MPHOSPH9: variants seen among roughly 807,000 people sequenced by gnomAD.
MPHOSPH9 encodes the protein M-phase phosphoprotein 9.
A neutral mutation model predicts 145.5 loss-of-function variants in MPHOSPH9; 88 were observed. That is an observed-to-expected ratio of 0.60 (90% CI 0.51 to 0.72). The LOEUF (loss-of-function observed/expected upper bound fraction) is 0.72. Among genes scored for constraint, MPHOSPH9 ranks in the 30% least tolerant of loss-of-function variants. The pLI is 0.00. For synonymous variants in MPHOSPH9, 435 were observed against 486.2 expected, an observed-to-expected ratio of 0.89 and a Z score of 1.39; for missense variants, 1,238 against 1,386.6, an observed-to-expected ratio of 0.89 and a Z score of 1.70.
intron 16 of MPHOSPH9, among the ~76,000 whole-genome samples, chr12:123,174,002 G>C (rs2044712463): frequency 6.6e-6 from 1 of 152,168 alleles, no homozygotes; most frequent in Non-Finnish European, 1.5e-5. Context: ...CAGCTTATGG[G>C]ATCTGACCCT....
intron 2 of MPHOSPH9, among the ~76,000 whole-genome samples, chr12:123,228,293 A>C (rs981839508): frequency 3.3e-5 from 5 of 152,204 alleles, no homozygotes; most frequent in Non-Finnish European, 7.4e-5. Context: ...ATTTTAATTT[A>C]TTTACTGCTT....
intron 16 of MPHOSPH9, among the ~76,000 whole-genome samples, chr12:123,170,696 G>GC (rs2044540032): frequency 6.6e-6 from 1 of 152,056 alleles, no homozygotes; most frequent in Admixed American, 6.6e-5. Context: ...CTTTCTCCCG[G>GC]CAGTGGAAAT....
chr12:123,154,610 T>TA lies in MPHOSPH9; in HGVS notation c.*2196dup, dbSNP rs2043825945. The stretch of plus-strand genomic sequence containing the variant: ...CTAAGAAGATAATTCCTTGGCAAGA[T>TA]AAAACTATCATCTCTTCTGAAATGG... On this transcript the variant is annotated 3_prime_UTR_variant, in exon 24 of 24. Coordinates refer to ENST00000606320, the MANE Select transcript of MPHOSPH9 (RefSeq NM_022782.4). The TA allele has an allele frequency of 6.6e-6, 1 of 152,208 alleles. No homozygotes were observed. Among genetic ancestry groups the TA allele is most frequent in the Admixed American group, 6.5e-5 (1 of 15,284 alleles). 9.4% of individuals were successfully genotyped at this position (152,208 alleles called of 1,614,324 possible).
chr12:123,178,286 G>A (rs959212529), intron 15 of MPHOSPH9, among the ~76,000 whole-genome samples: 1 of 152,190 alleles, frequency 6.6e-6, no homozygotes, highest in Non-Finnish European at 1.5e-5. Context: ...AGGAAGATTT[G>A]AGAAATAATA....
chr12:123,243,165 G>A (rs2047969811), intron 1 of MPHOSPH9, among the ~76,000 whole-genome samples: 1 of 151,990 alleles, frequency 6.6e-6, no homozygotes. Flanking sequence ...CACTTTCCTT[G>A]GCACACTCCA....
intron 21 of MPHOSPH9, 77 bp from the exon 22 acceptor site, chr12:123,161,460 C>T (rs948768854): frequency 6.0e-5 from 90 of 1,496,316 alleles, no homozygotes; most frequent in Middle Eastern, 3.8e-4. Flanking sequence ...AATATGTTGC[C>T]CAATTTCACT....
At chr12:123,227,649 T>C in intron 2 of MPHOSPH9, 33 bp from the exon 3 acceptor site, 1 of 1,469,932 alleles carries the variant, frequency 6.8e-7, no homozygotes, top group Non-Finnish European at 9.0e-7. Flanking sequence ...AATGGTTTTC[T>C]TCATTCTATC....
chr12:123,170,192 G>A (rs933363749), intron 16 of MPHOSPH9, among the ~76,000 whole-genome samples: 4 of 151,708 alleles, frequency 2.6e-5, no homozygotes, highest in Non-Finnish European at 5.9e-5. Context: ...ACCCAGGCTG[G>A]AGTACAGTGG....
intron 5 of MPHOSPH9, among the ~76,000 whole-genome samples, chr12:123,221,108 C>G (rs1449194575): frequency 6.6e-6 from 1 of 152,190 alleles, no homozygotes. Flanking sequence ...CAAACTTCCA[C>G]TATTGATACA....
intron 4 of MPHOSPH9, among the ~76,000 whole-genome samples, chr12:123,222,800 T>G (rs1159181622): frequency 6.6e-6 from 1 of 151,880 alleles, no homozygotes; most frequent in African/African-American, 2.4e-5. Flanking sequence ...GCTGGGCGTG[T>G]TGGCAGGTGC....
Position 123,161,211 on chromosome 12 carries a change from A to C in MPHOSPH9, c.3306T>G (p.Phe1102Leu). Residue 1102 changes from phenylalanine to leucine, a missense_variant, in exon 22 of 24, where the codon TTT (phenylalanine) becomes TTG (leucine). Physicochemically the swap from Phe to Leu is conservative, Grantham distance 22. Transcript: ENST00000606320. Reference sequence around the variant, plus strand: ...GGGTCCGAATTTTTGCTGTATATTCAAAATCATTCCCCTGTGGAGTGACTG... The same window carrying C: ...GGGTCCGAATTTTTGCTGTATATTCCAAATCATTCCCCTGTGGAGTGACTG... ...PVSVTPQGND[F>L]EYTAKIRTLA... 6.2e-7 allele frequency: 1 copy of C among 1,614,194 alleles called. No individual in the cohort carries two copies.
intron 1 of MPHOSPH9, among the ~76,000 whole-genome samples, chr12:123,242,061 G>A (rs569443502): frequency 6.6e-6 from 1 of 152,206 alleles, no homozygotes; most frequent in South Asian, 2.1e-4. Context: ...TAGGCTCTCT[G>A]AAGCCCATGC....
chr12:123,162,866 G>A lies in MPHOSPH9; in HGVS notation c.3029+148C>T, dbSNP rs148163072. 3.0e-4 allele frequency: 211 copies of A among 712,448 alleles called. 1 individual carries two copies. In the East Asian group the frequency reaches 4.7e-3, roughly 16 times the overall value. 44.1% of individuals were successfully genotyped at this position (712,448 alleles called of 1,614,324 possible). On this transcript the variant is annotated intron_variant, in intron 20 of 23. Transcript: ENST00000606320. ...TTCATTGTACTGCAGTACTTTAGTT[G>A]TAGTATGACATTCACTTATGATTTA...
At chr12:123,214,436 C>T (rs1239848623) in intron 7 of MPHOSPH9, among the ~76,000 whole-genome samples, 1 of 152,150 alleles carries the variant, frequency 6.6e-6, no homozygotes, top group African/African-American at 2.4e-5. Context: ...TCTTGGGAAG[C>T]TGAGGTGGGA....
At chr12:123,218,792 A>C (rs922318926) in intron 5 of MPHOSPH9, among the ~76,000 whole-genome samples, 1 of 152,158 alleles carries the variant, frequency 6.6e-6, no homozygotes. Flanking sequence ...CTGGGATTAC[A>C]GGCATGAGCC....
At chr12:123,152,935 T>A (rs2043803175), downstream of MPHOSPH9, 1 of 156,654 alleles carries the variant, frequency 6.4e-6, no homozygotes, top group Non-Finnish European at 1.4e-5. Context: ...AAACTTGAGA[T>A]AATCTAAAAA....
In MPHOSPH9 at chr12:123,196,615, C is replaced by T. The variant is rs551114051; in HGVS notation, c.2025+1632G>A. Among the ~76,000 whole-genome samples the T allele has an allele frequency of 1.6e-4, 25 of 151,932 alleles. No individual in the cohort carries two copies. In the East Asian group the frequency reaches 2.1e-3, roughly 13 times the overall value. ...TGTAAAAAAATAAAATTTGGTAATGCGTGGGGAAAAAAGTAATTTTAGCAT... is the reference window on the plus strand; with the variant it reads ...TGTAAAAAAATAAAATTTGGTAATGTGTGGGGAAAAAAGTAATTTTAGCAT... On this transcript the variant is annotated intron_variant, in intron 12 of 23. Coordinates refer to ENST00000606320, the MANE Select transcript of MPHOSPH9 (RefSeq NM_022782.4).
chr12:123,232,006 C>G (rs2047658835), intron 1 of MPHOSPH9, among the ~76,000 whole-genome samples: 1 of 150,490 alleles, frequency 6.6e-6, no homozygotes, highest in Admixed American at 6.7e-5. Flanking sequence ...GGGACCATTT[C>G]CTTCAGGGAC....
At chr12:123,158,003 T>G (rs1219307894) in intron 23 of MPHOSPH9, among the ~76,000 whole-genome samples, 1 of 152,076 alleles carries the variant, frequency 6.6e-6, no homozygotes, top group African/African-American at 2.4e-5. Flanking sequence ...TTTTTTTGGT[T>G]GGGGGAGACG....
Sources: allele counts gnomAD v4.1 joint callset (sites outside exome capture counted in the v4.1 genomes callset), GRCh38; gene constraint gnomAD v4.1.1; transcripts MANE v1.5; gene names NCBI Gene and HGNC (gene_info 2026-07-23, HGNC 2026-07-21).